Variants in ATG10 observed in about 807,000 individuals in gnomAD.
ATG10 encodes ubiquitin-like-conjugating enzyme ATG10.
ATG10 carries 30 observed loss-of-function variants against 32.1 expected under a neutral mutation model. The ratio of observed to expected loss-of-function variants is 0.94; its 90% confidence interval spans 0.70 to 1.27. The LOEUF is 1.27. Among genes scored for constraint, ATG10 ranks in the 50% most tolerant of loss-of-function variants. ATG10 has a pLI of 0.00. For missense variants in ATG10, 233 were observed against 262.3 expected, an observed-to-expected ratio of 0.89 and a Z score of 0.77; for synonymous variants, 87 against 91.5, an observed-to-expected ratio of 0.95 and a Z score of 0.28.
intron 2 of ATG10, among the ~76,000 whole-genome samples, chr5:82,011,164 A>G (rs570020944): frequency 6.6e-6 from 1 of 152,160 alleles, no homozygotes; most frequent in Non-Finnish European, 1.5e-5. Context: ...TGAGCTGATC[A>G]TTTTTTGCCC....
chr5:82,183,317 C>G (rs913718833), intron 5 of ATG10, among the ~76,000 whole-genome samples: 6 of 151,982 alleles, frequency 3.9e-5, no homozygotes, highest in African/African-American at 1.5e-4. Context: ...GATTCTCATT[C>G]CTCCATCTCT....
At chr5:82,057,995 A>AG (rs1763654352) in intron 2 of ATG10, among the ~76,000 whole-genome samples, 1 of 152,194 alleles carries the variant, frequency 6.6e-6, no homozygotes, top group Admixed American at 6.6e-5. Flanking sequence ...GGGAGTAACA[A>AG]GGGCCAGTTC....
intron 2 of ATG10, among the ~76,000 whole-genome samples, chr5:81,995,423 G>A (rs778281062): frequency 1.2e-4 from 18 of 152,104 alleles, no homozygotes; most frequent in Admixed American, 3.3e-4. Flanking sequence ...GATTACAGGC[G>A]TGAGCCACCA....
rs1034942020 is a variant in ATG10, at chr5:81,972,200, G to T, written c.-119G>T. ...GTTCCGTAGGGTCACCGGCGCGGCA[G>T]TGGCCTCGCAGGGCGCTGGGTCCCT... On this transcript the variant is annotated 5_prime_UTR_variant, in exon 1 of 8. Coordinates refer to ENST00000282185, the MANE Select transcript of ATG10 (RefSeq NM_031482.5). 6.6e-6 allele frequency: 1 copy of T among 152,388 alleles called. No individual in the cohort carries two copies. The highest frequency in any genetic ancestry group is 2.4e-5 in the African/African-American group (1 of 41,464). 9.4% of individuals were successfully genotyped at this position (152,388 alleles called of 1,614,324 possible).
chr5:81,988,977 G>A (rs1431365998), intron 2 of ATG10, among the ~76,000 whole-genome samples: 2 of 151,858 alleles, frequency 1.3e-5, no homozygotes, highest in Non-Finnish European at 2.9e-5. Context: ...GATTTTAGGT[G>A]TCCACCACCA....
rs189005991 is a variant in ATG10, at chr5:82,092,248, A to C, written c.216+33646A>C. On this transcript the variant is annotated intron_variant, in intron 3 of 7. Coordinates refer to ENST00000282185, the MANE Select transcript of ATG10 (RefSeq NM_031482.5). ...TAACTATTTGGATAAACAAGATTGA[A>C]TACTACATTCATATCATATGCCAAT... Among the ~76,000 whole-genome samples the C allele has an allele frequency of 5.7e-3, 866 of 152,314 alleles. 10 individuals carry two copies. Among genetic ancestry groups the C allele is most frequent in the Non-Finnish European group, 9.9e-3 (671 of 68,018 alleles).
intron 5 of ATG10, among the ~76,000 whole-genome samples, chr5:82,201,248 C>T (rs1012534063): frequency 6.6e-6 from 1 of 152,028 alleles, no homozygotes; most frequent in Non-Finnish European, 1.5e-5. Context: ...TTTGCCTCGC[C>T]CAAGGTCACA....
Position 82,172,341 on chromosome 5 carries a change from T to TACTA in ATG10, c.356-6146_356-6143dup, listed in dbSNP as rs1393453886. On this transcript the variant is annotated intron_variant, in intron 4 of 7. Coordinates refer to ENST00000282185, the MANE Select transcript of ATG10 (RefSeq NM_031482.5). ...AGTTCTGATTCCTAGCTCTGCTGCT[T>TACTA]ACTAACCTTATGACCTTGGGCAAGT... 1.2e-4 allele frequency among the ~76,000 whole-genome samples: 19 copies of TACTA among 152,340 alleles called. No homozygotes were observed. In the East Asian group the frequency reaches 3.3e-3, roughly 26 times the overall value.
chr5:82,069,571 C>G (rs1354436448), intron 3 of ATG10, among the ~76,000 whole-genome samples: 1 of 152,152 alleles, frequency 6.6e-6, no homozygotes, highest in African/African-American at 2.4e-5. Flanking sequence ...ACAACTGTGT[C>G]CTTAGCATTT....
chr5:82,033,770 A>G (rs1487566618), intron 2 of ATG10, among the ~76,000 whole-genome samples: 1 of 151,656 alleles, frequency 6.6e-6, no homozygotes, highest in East Asian at 1.9e-4. Flanking sequence ...ATATGTGTGT[A>G]TATATACGTG....
chr5:82,010,721 T>C (rs893724674), intron 2 of ATG10, among the ~76,000 whole-genome samples: 5 of 152,218 alleles, frequency 3.3e-5, no homozygotes, highest in African/African-American at 1.2e-4. Flanking sequence ...AGTAATTCTT[T>C]GGTGCTTTCC....
intron 5 of ATG10, among the ~76,000 whole-genome samples, chr5:82,203,270 GTTGTCTGGCCAGAAGTGGGGT>G (rs1745145284): frequency 6.6e-6 from 1 of 151,740 alleles, no homozygotes; most frequent in South Asian, 2.1e-4. Flanking sequence ...ACCTTTCCAG[GTTGTCTGGCCAGAAGTGGGGT>G]TTCTTCCAGT....
At chr5:82,048,646 T>G (rs932379349) in intron 2 of ATG10, among the ~76,000 whole-genome samples, 1 of 152,000 alleles carries the variant, frequency 6.6e-6, no homozygotes, top group African/African-American at 2.4e-5. Flanking sequence ...CACAACCTAC[T>G]CATCTGACAG....
intron 2 of ATG10, among the ~76,000 whole-genome samples, chr5:82,005,215 G>A (rs535317667): frequency 1.3e-5 from 2 of 152,038 alleles, no homozygotes; most frequent in Non-Finnish European, 2.9e-5. Flanking sequence ...TACTTTTTTT[G>A]TATGTTACAT....
At chr5:82,010,051 C>T (rs1353200426) in intron 2 of ATG10, 12 of 1,610,564 alleles carry the variant, frequency 7.5e-6, no homozygotes, top group East Asian at 4.5e-5. Flanking sequence ...CCCAAGGGCT[C>T]GCCATCGACG....
At chr5:82,182,971 C>T (rs905563566) in intron 5 of ATG10, among the ~76,000 whole-genome samples, 2 of 152,072 alleles carry the variant, frequency 1.3e-5, no homozygotes, top group Admixed American at 1.3e-4. Context: ...TCTTGAACTT[C>T]TGGCCTCAAG....
At chr5:82,212,807 A>G (rs561950823) in intron 5 of ATG10, among the ~76,000 whole-genome samples, 2 of 152,272 alleles carry the variant, frequency 1.3e-5, no homozygotes, top group Admixed American at 1.3e-4. Context: ...ATGTTAGAGT[A>G]CCCCAGGGCT....
intron 5 of ATG10, among the ~76,000 whole-genome samples, chr5:82,191,436 G>A (rs1744656488): frequency 6.6e-6 from 1 of 152,204 alleles, no homozygotes; most frequent in South Asian, 2.1e-4. Context: ...CTCCATGGAA[G>A]CCCTTAAGGT....
chr5:82,212,853 C>T (rs1030919083), intron 5 of ATG10, among the ~76,000 whole-genome samples: 40 of 152,184 alleles, frequency 2.6e-4, no homozygotes, highest in Non-Finnish European at 5.1e-4. Context: ...TGTCTACATT[C>T]TCTCCCTAGG....
Sources: gnomAD v4.1 joint callset for allele counts (sites outside exome capture counted in the v4.1 genomes callset) on GRCh38, gnomAD v4.1.1 for gene constraint, MANE v1.5 for transcripts, NCBI Gene and HGNC (gene_info 2026-07-23, HGNC 2026-07-21) for gene names.